PPFIA3: variants seen among roughly 807,000 people sequenced by gnomAD.
PPFIA3 encodes the protein PPFI scaffold protein A3.
PPFIA3 carries 26 observed loss-of-function variants against 145.8 expected under a neutral mutation model. The ratio of observed to expected loss-of-function variants is 0.18; its 90% CI spans 0.13 to 0.25. PPFIA3 has a LOEUF of 0.25. Ranked by LOEUF, PPFIA3 falls within the 10% of genes least tolerant of loss-of-function variation. The pLI is 1.00. For missense variants in PPFIA3, 1,008 were observed against 1,587.8 expected, an observed-to-expected ratio of 0.63 and a Z score of 6.21; for synonymous variants, 645 against 661.4, an observed-to-expected ratio of 0.98 and a Z score of 0.38.
intron 1 of PPFIA3, among the ~76,000 whole-genome samples, chr19:49,121,971 T>C (rs1025339218): frequency 5.3e-5 from 8 of 151,992 alleles, no homozygotes; most frequent in African/African-American, 1.4e-4. Context: ...GCTCTTGCAT[T>C]GCTCCATGTT....
In PPFIA3 at chr19:49,134,078, G is replaced by A. The variant is rs751894356; in HGVS notation, c.1290G>A (p.Leu430=). ...EKMNDDHNKR[L]SETVDKLLSE... Reference sequence around the variant, plus strand: ...TGAACGATGACCACAATAAGCGGCTGTCCGAGACGGTGGACAAGCTGCTGA... The same window carrying A: ...TGAACGATGACCACAATAAGCGGCTATCCGAGACGGTGGACAAGCTGCTGA... Residue 430 remains leucine (L), a synonymous_variant, in exon 11 of 30, where the codon CTG becomes CTA. Transcript: ENST00000334186. The A allele has an allele frequency of 2.5e-6, 4 of 1,614,004 alleles. No homozygotes were observed. Among genetic ancestry groups the A allele is most frequent in the Non-Finnish European group, 3.4e-6 (4 of 1,179,940 alleles).
intron 24 of PPFIA3, 128 bp downstream of exon 24, chr19:49,148,386 A>T: frequency 9.4e-7 from 1 of 1,065,176 alleles, no homozygotes; most frequent in South Asian, 1.7e-5. Flanking sequence ...GTTCTCAGGA[A>T]ATCCTGACTC....
In PPFIA3 at chr19:49,120,081, C is replaced by A. The variant is rs2040916748; in HGVS notation, c.-16+359C>A. The stretch of plus-strand genomic sequence containing the variant: ...GACTCCCCAGACGCGTCCGCATCGT[C>A]CCCGCTTCGCGCACTCCGTCTCCCG... On this transcript the variant is annotated intron_variant, in intron 1 of 29. Coordinates refer to ENST00000334186, the MANE Select transcript of PPFIA3 (RefSeq NM_003660.4). The surrounding 1 kb of genome is among the most constrained non-coding windows in gnomAD (Gnocchi z 4.6). Among the ~76,000 whole-genome samples the A allele has an allele frequency of 6.6e-6, 1 of 152,086 alleles. No individual in the cohort carries two copies. Among genetic ancestry groups the A allele is most frequent in the Non-Finnish European group, 1.5e-5 (1 of 67,984 alleles).
At chr19:49,136,598 A>T (rs995720466) in intron 14 of PPFIA3, 126 bp from the exon 15 acceptor site, 14 of 587,132 alleles carry the variant, frequency 2.4e-5, no homozygotes, top group Admixed American at 1.2e-4. Context: ...TAAATAAAAT[A>T]AAAAAAATAA....
At chr19:49,141,937 ATGTG>A in intron 19 of PPFIA3, 93 bp from the exon 20 acceptor site, 8 of 711,660 alleles carry the variant, frequency 1.1e-5, no homozygotes, top group Admixed American at 3.1e-5. Context: ...GCGTATGTGC[ATGTG>A]TGTGTGTGTG....
chr19:49,138,069 AG>A, intron 15 of PPFIA3, 135 bp from the exon 16 acceptor site: 1 of 1,338,762 alleles, frequency 7.5e-7, no homozygotes, highest in Non-Finnish European at 9.7e-7. Flanking sequence ...AACCCACCAA[AG>A]TCCTCTGACG....
chr19:49,135,110 C>T (rs927545689), intron 13 of PPFIA3, among the ~76,000 whole-genome samples, 195 bp downstream of exon 13: 5 of 152,098 alleles, frequency 3.3e-5, no homozygotes, highest in African/African-American at 7.2e-5. Context: ...GGCACGATTC[C>T]GGCTCACTGC....
At chr19:49,126,544 C>G (rs561658058) in intron 1 of PPFIA3, among the ~76,000 whole-genome samples, 38 of 151,612 alleles carry the variant, frequency 2.5e-4, no homozygotes, top group African/African-American at 8.9e-4. Flanking sequence ...AGCCACTGCG[C>G]CCAGTCCTGG....
intron 16 of PPFIA3, 41 bp from the exon 17 acceptor site, chr19:49,139,627 C>G (rs752695773): frequency 1.3e-6 from 2 of 1,526,148 alleles, no homozygotes; most frequent in Admixed American, 2.1e-5. Context: ...CCCGACATGA[C>G]TCTTTGAACT....
chr19:49,148,594 G>A (rs2041306118), intron 24 of PPFIA3, 72 bp from the exon 25 acceptor site: 1 of 1,220,576 alleles, frequency 8.2e-7, no homozygotes, highest in Non-Finnish European at 1.2e-6. Flanking sequence ...AGCCAGTGGG[G>A]AGGGACCCGT....
chr19:49,146,355 G>A (rs994496056), intron 23 of PPFIA3, 163 bp downstream of exon 23: 1 of 862,134 alleles, frequency 1.2e-6, no homozygotes, highest in Non-Finnish European at 1.8e-6. Flanking sequence ...ATGGCTTGGC[G>A]GTGGGGAGGG....
chr19:49,134,542 T>TCC, intron 11 of PPFIA3, 97 bp from the exon 12 acceptor site: 1 of 1,106,110 alleles, frequency 9.0e-7, no homozygotes. Context: ...TCCTCCTGGG[T>TCC]CCCCTCAGGC....
rs2041230216 is a variant in PPFIA3 at position 49,142,028 on chromosome 19, T to G, written c.2463-6T>G. The G allele has an allele frequency of 1.9e-6, 3 of 1,561,512 alleles. No homozygotes were observed. The highest frequency in any genetic ancestry group is 2.6e-6 in the Non-Finnish European group (3 of 1,152,264). On this transcript the variant is annotated splice_polypyrimidine_tract_variant and splice_region_variant and intron_variant, in intron 19 of 29. Transcript: ENST00000334186. ...AGCTTCTATCCTGGCCCCTTCACCC[T>G]TACAGGCATGAACTCCTGGAGGAGG...
At chr19:49,131,335 ATTT>A (rs10553520) in intron 7 of PPFIA3, among the ~76,000 whole-genome samples, 50,831 of 108,306 alleles carry the variant, frequency 0.47, 11,247 homozygotes, top group African/African-American at 0.51. Flanking sequence ...CACCTGGCTA[ATTT>A]TTTTTTTTTT....
intron 1 of PPFIA3, among the ~76,000 whole-genome samples, chr19:49,123,465 G>A (rs542081909): frequency 2.6e-4 from 40 of 151,066 alleles, no homozygotes; most frequent in African/African-American, 9.0e-4. Context: ...TTTTGAGATC[G>A]AGTCTCACTC....
At chr19:49,143,047 C>T (rs772309722) in intron 21 of PPFIA3, 43 bp downstream of exon 21, 49 of 1,582,104 alleles carry the variant, frequency 3.1e-5, no homozygotes, top group Non-Finnish European at 4.1e-5. Context: ...TTCCTCAGAG[C>T]CCCGCCTCTT....
intron 1 of PPFIA3, among the ~76,000 whole-genome samples, chr19:49,123,842 T>TC (rs897089855): frequency 1.5e-4 from 23 of 152,194 alleles, no homozygotes; most frequent in Non-Finnish European, 2.9e-5. Flanking sequence ...TGTCATTTTT[T>TC]CCCCAGTGCA....
rs11351172 is a variant in PPFIA3 at position 49,132,390 on chromosome 19, CAAAAAAAAAAAA to C, written c.880-592_880-581del. 5.0e-4 allele frequency among the ~76,000 whole-genome samples: 22 copies of C among 43,672 alleles called. No individual in the cohort carries two copies. In the South Asian group the frequency reaches 0.01, roughly 20 times the overall value. The allele number at this position is 43,672 out of a possible 152,430, so 28.7% of individuals were successfully genotyped here. On this transcript the variant is annotated intron_variant, in intron 7 of 29. Coordinates refer to ENST00000334186, the MANE Select transcript of PPFIA3 (RefSeq NM_003660.4). Reference sequence around the variant, plus strand: ...GGTGACGGAGCAAGACTCTCTCTCTCAAAAAAAAAAAAAAAAAAAAAAAAAAAAAAGAAAGAG... The same window carrying C: ...GGTGACGGAGCAAGACTCTCTCTCTCAAAAAAAAAAAAAAAAAAGAAAGAG...
chr19:49,146,495 G>A, intron 23 of PPFIA3: 1 of 494,442 alleles, frequency 2.0e-6, no homozygotes, highest in South Asian at 2.5e-5. Flanking sequence ...TGAGCAGCCG[G>A]TGTCCCTATA....
Sources: gnomAD v4.1 joint callset for allele counts (sites outside exome capture counted in the v4.1 genomes callset) on GRCh38, gnomAD v4.1.1 for gene constraint, Gnocchi (gnomAD v3.1) non-coding constraint, MANE v1.5 for transcripts, NCBI Gene and HGNC (gene_info 2026-07-23, HGNC 2026-07-21) for gene names.